Variants in SFMBT2 observed in about 807,000 individuals in gnomAD.
The protein encoded by SFMBT2 is Scm like with four mbt domains 2, also known as scm-like with four MBT domains protein 2.
A neutral mutation model predicts 110.1 loss-of-function variants in SFMBT2; 38 were observed. That is an observed-to-expected ratio of 0.35 (90% CI 0.27 to 0.45). The LOEUF (loss-of-function observed/expected upper bound fraction) is 0.45, where lower values mean the gene tolerates loss of function less well. Ranked by LOEUF, SFMBT2 falls within the 20% of genes least tolerant of loss-of-function variation. The pLI, the probability that SFMBT2 is intolerant of heterozygous loss-of-function variation, is 1.00. For missense variants in SFMBT2, 1,011 were observed against 1,094.9 expected (o/e 0.92, Z 1.08); for synonymous variants, 425 against 425.4 (o/e 1.00, Z 0.01).
At chr10:7,189,941 C>T (rs768182996) in intron 15 of SFMBT2, among the ~76,000 whole-genome samples, 4 of 152,206 alleles carry the variant, frequency 2.6e-5, no homozygotes, top group Non-Finnish European at 5.9e-5. Flanking sequence ...ACAATTTTCA[C>T]GGGTCTGTTG....
At chr10:7,167,083 A>G (rs1462225801) in intron 20 of SFMBT2, among the ~76,000 whole-genome samples, 1 of 152,230 alleles carries the variant, frequency 6.6e-6, no homozygotes, top group African/African-American at 2.4e-5. Flanking sequence ...CGATTTTGAT[A>G]GAGCACTCGG....
At chr10:7,362,159 T>G (rs1028077168) in intron 4 of SFMBT2, among the ~76,000 whole-genome samples, 1 of 152,216 alleles carries the variant, frequency 6.6e-6, no homozygotes, top group African/African-American at 2.4e-5. Flanking sequence ...TAATGTCATA[T>G]GTTCCTTAAT....
rs953782292 is a variant in SFMBT2, at chr10:7,373,294, C to T, written c.101-2919G>A. 4.6e-5 allele frequency among the ~76,000 whole-genome samples: 7 copies of T among 152,328 alleles called. No homozygotes were observed. The South Asian group carries it at 1.2e-3, about 27-fold the overall frequency. ...TTCCTCTTTCTGCCAAGAGCGGGAA[C>T]AGCCTGAGGCCCTCACCAGATGCAG... is the stretch of plus-strand genomic sequence containing the variant. On this transcript the variant is annotated intron_variant, in intron 2 of 20. Coordinates refer to ENST00000397167, the MANE Select transcript of SFMBT2 (RefSeq NM_001387889.1).
intron 2 of SFMBT2, among the ~76,000 whole-genome samples, chr10:7,373,310 C>A (rs532762145): frequency 2.6e-5 from 4 of 152,314 alleles, no homozygotes; most frequent in South Asian, 2.1e-4. Flanking sequence ...GAGGCCCTCA[C>A]CAGATGCAGC....
chr10:7,343,358 T>G (rs1439929805), intron 4 of SFMBT2, among the ~76,000 whole-genome samples: 1 of 152,194 alleles, frequency 6.6e-6, no homozygotes, highest in Non-Finnish European at 1.5e-5. Flanking sequence ...AACACACACG[T>G]GCATGTGTCT....
chr10:7,289,592 G>GT (rs1371711905), intron 4 of SFMBT2, among the ~76,000 whole-genome samples: 2 of 152,092 alleles, frequency 1.3e-5, no homozygotes, highest in African/African-American at 2.4e-5. Context: ...CATGGTAGAC[G>GT]TATCTATAAA....
chr10:7,405,608 T>A (rs910452706), intron 1 of SFMBT2, among the ~76,000 whole-genome samples: 8 of 152,158 alleles, frequency 5.3e-5, no homozygotes, highest in African/African-American at 1.9e-4. Flanking sequence ...TAGGGGAACA[T>A]GAGTATGAAA....
chr10:7,397,230 G>C (rs987796091), intron 1 of SFMBT2, among the ~76,000 whole-genome samples: 1 of 152,136 alleles, frequency 6.6e-6, no homozygotes, highest in Admixed American at 6.5e-5. Context: ...TACAGTGAAA[G>C]CCACCAATGA....
chr10:7,161,781 G>A lies in SFMBT2; in HGVS notation c.*1989C>T, dbSNP rs534042095. The A allele has an allele frequency of 6.6e-6, 1 of 152,310 alleles. No individual in the cohort carries two copies. Among genetic ancestry groups the A allele is most frequent in the African/African-American group, 2.4e-5 (1 of 41,556 alleles). The allele number at this position is 152,310 out of a possible 1,614,324, so 9.4% of individuals were successfully genotyped here. A position where few individuals can be genotyped will look rare whatever the true frequency, so the allele number is the denominator to read the frequency against. ...GTAACCATTACAGAATGTTAAGAAG[G>A]GTGAGCTTGAGCAATCAAAGTTTCC... is the stretch of plus-strand genomic sequence containing the variant. On this transcript the variant is annotated 3_prime_UTR_variant, in exon 21 of 21. Transcript: ENST00000397167.
At chr10:7,373,522 G>A (rs968267186) in intron 2 of SFMBT2, among the ~76,000 whole-genome samples, 2 of 152,162 alleles carry the variant, frequency 1.3e-5, no homozygotes, top group African/African-American at 4.8e-5. Flanking sequence ...AAAGGACAGG[G>A]AATCACCCTG....
intron 4 of SFMBT2, among the ~76,000 whole-genome samples, chr10:7,314,171 T>C (rs1842927242): frequency 6.6e-6 from 1 of 152,198 alleles, no homozygotes; most frequent in Non-Finnish European, 1.5e-5. Flanking sequence ...GATTTACTCT[T>C]ATATCCAAAC....
At chr10:7,324,113 C>T (rs1375900224) in intron 4 of SFMBT2, among the ~76,000 whole-genome samples, 1 of 152,218 alleles carries the variant, frequency 6.6e-6, no homozygotes, top group Admixed American at 6.5e-5. Context: ...CCTATGCACA[C>T]ACAAAGTTGT....
At chr10:7,394,363 C>T (rs142209869) in intron 1 of SFMBT2, among the ~76,000 whole-genome samples, 2,871 of 151,930 alleles carry the variant, frequency 0.019, 40 homozygotes, top group South Asian at 0.053. Context: ...TGCCCTTCTC[C>T]CGCGTCCCCA....
intron 15 of SFMBT2, among the ~76,000 whole-genome samples, chr10:7,193,505 C>T (rs1049461126): frequency 6.6e-6 from 1 of 152,228 alleles, no homozygotes; most frequent in Non-Finnish European, 1.5e-5. Context: ...GAGGCTCCAT[C>T]GCCCTACCCA....
At chr10:7,228,023 G>A in intron 9 of SFMBT2, 86 bp from the exon 10 acceptor site, 2 of 952,954 alleles carry the variant, frequency 2.1e-6, no homozygotes, top group South Asian at 1.7e-5. Context: ...TGAAAGTTTA[G>A]GCTCCCAAAA....
intron 7 of SFMBT2, among the ~76,000 whole-genome samples, chr10:7,258,943 C>T (rs1841116613): frequency 6.6e-6 from 1 of 152,132 alleles, no homozygotes; most frequent in African/African-American, 2.4e-5. Context: ...TTTTTACTTA[C>T]AGAGGTAAAG....
At chr10:7,247,473 A>G (rs1840656462) in intron 8 of SFMBT2, among the ~76,000 whole-genome samples, 1 of 152,184 alleles carries the variant, frequency 6.6e-6, no homozygotes, top group South Asian at 2.1e-4. Context: ...ATTTATGTTC[A>G]CTAAAGAAAA....
intron 9 of SFMBT2, among the ~76,000 whole-genome samples, chr10:7,234,490 G>A (rs1840199205): frequency 1.3e-5 from 2 of 152,158 alleles, no homozygotes; most frequent in Non-Finnish European, 2.9e-5. Flanking sequence ...TACAGATCCT[G>A]AAGAATGAAG....
intron 4 of SFMBT2, among the ~76,000 whole-genome samples, chr10:7,296,547 T>C (rs1001594030): frequency 1.3e-5 from 2 of 152,228 alleles, no homozygotes; most frequent in Non-Finnish European, 2.9e-5. Context: ...TTCCCAATAT[T>C]CCCGTTAGGT....
Sources: allele counts gnomAD v4.1 joint callset (sites outside exome capture counted in the v4.1 genomes callset), GRCh38; gene constraint gnomAD v4.1.1; transcripts MANE v1.5; gene names NCBI Gene and HGNC (gene_info 2026-07-23, HGNC 2026-07-21).